PTPRG: variants seen among roughly 807,000 people sequenced by gnomAD.
PTPRG encodes the protein receptor-type tyrosine-protein phosphatase gamma.
In PTPRG, 102 loss-of-function variants were observed where a neutral mutation model predicts 165.3. That is an observed-to-expected ratio of 0.62 (90% CI 0.53 to 0.73). The LOEUF (loss-of-function observed/expected upper bound fraction) is 0.73, where lower values mean the gene tolerates loss of function less well. Among genes scored for constraint, PTPRG ranks in the 30% least tolerant of loss-of-function variants. The probability of loss-of-function intolerance (pLI) is 0.00; values close to 1 mark genes in which losing one functional copy is unlikely to be tolerated. For missense variants in PTPRG, 1,866 were observed against 1,861.4 expected, an observed-to-expected ratio of 1.00 and a Z score of -0.05; for synonymous variants, 675 against 669.5, an observed-to-expected ratio of 1.01 and a Z score of -0.13.
At chr3:61,670,337 G>C (rs1366536219) in intron 1 of PTPRG, among the ~76,000 whole-genome samples, 1 of 152,180 alleles carries the variant, frequency 6.6e-6, no homozygotes, top group Non-Finnish European at 1.5e-5. Context: ...ATCTAAGAAT[G>C]TCTGCCAGTA....
intron 2 of PTPRG, among the ~76,000 whole-genome samples, chr3:61,886,875 T>A (rs1279878870): frequency 1.3e-5 from 2 of 151,872 alleles, no homozygotes; most frequent in Non-Finnish European, 2.9e-5. Context: ...TCCTGGAATT[T>A]TTCTGCTGTT....
chr3:62,284,228 G>A (rs1702555104), intron 28 of PTPRG, among the ~76,000 whole-genome samples: 1 of 152,082 alleles, frequency 6.6e-6, no homozygotes, highest in Non-Finnish European at 1.5e-5. Flanking sequence ...GGTAAGGAAA[G>A]AGGAAAAGAA....
At position 61,799,581 on chromosome 3, in the gene PTPRG, C is replaced by T. The variant is rs116803923; in HGVS notation, c.190+50599C>T. ...TCAATTTGGATTTACCTAAAGTTTT[C>T]CTCATAATTACATGGGGCTTATAGG... On this transcript the variant is annotated intron_variant, in intron 2 of 29. Transcript: ENST00000474889. Among the ~76,000 whole-genome samples, 783 of 152,300 alleles carry T rather than the reference C, an allele frequency of 5.1e-3. 4 individuals are homozygous for T. Among genetic ancestry groups the T allele is most frequent in the Non-Finnish European group, 8.2e-3 (559 of 68,024 alleles).
At chr3:62,275,836 T>A (rs2148879616) in intron 23 of PTPRG, 37 bp from the exon 24 acceptor site, 1 of 1,473,160 alleles carries the variant, frequency 6.8e-7, no homozygotes, top group East Asian at 2.3e-5. Context: ...ATCAATTATA[T>A]CTTTGAATGA....
intron 2 of PTPRG, among the ~76,000 whole-genome samples, chr3:61,803,557 C>G (rs1348556576): frequency 6.7e-6 from 1 of 150,078 alleles, no homozygotes; most frequent in Non-Finnish European, 1.5e-5. Flanking sequence ...ACCCACAGTA[C>G]TATTTCAACT....
At chr3:62,118,728 T>C (rs933935253) in intron 5 of PTPRG, among the ~76,000 whole-genome samples, 4 of 152,200 alleles carry the variant, frequency 2.6e-5, no homozygotes, top group African/African-American at 4.8e-5. Context: ...GGAAAAATAA[T>C]GCCTGTGTCA....
At chr3:61,601,029 C>G (rs556103444) in intron 1 of PTPRG, among the ~76,000 whole-genome samples, 3 of 152,272 alleles carry the variant, frequency 2.0e-5, no homozygotes, top group Non-Finnish European at 4.4e-5. Flanking sequence ...TCGAGGCGGG[C>G]AGATCACTTG....
At chr3:61,836,017 G>C (rs575134970) in intron 2 of PTPRG, among the ~76,000 whole-genome samples, 1 of 151,070 alleles carries the variant, frequency 6.6e-6, no homozygotes, top group East Asian at 2.0e-4. Flanking sequence ...TCCAGCCTGG[G>C]CAACAAGAGT....
intron 2 of PTPRG, among the ~76,000 whole-genome samples, chr3:61,808,948 T>C (rs1008623498): frequency 6.7e-6 from 1 of 150,138 alleles, no homozygotes; most frequent in Non-Finnish European, 1.5e-5. Context: ...TTATTTCTAC[T>C]GAACCTGTTG....
intron 12 of PTPRG, among the ~76,000 whole-genome samples, chr3:62,206,217 G>A (rs953137859): frequency 6.6e-6 from 1 of 152,280 alleles, no homozygotes; most frequent in East Asian, 1.9e-4. Context: ...TTGGAGTCAG[G>A]TTCCAGATTC....
chr3:61,907,926 T>TTCCA (rs2038697765), intron 2 of PTPRG, among the ~76,000 whole-genome samples: 2 of 104,168 alleles, frequency 1.9e-5, no homozygotes, highest in Non-Finnish European at 3.5e-5. Context: ...AGGAGTTTGA[T>TTCCA]GCCAGCAACA....
chr3:61,993,078 G>A (rs1395083141), intron 3 of PTPRG, among the ~76,000 whole-genome samples: 2 of 151,856 alleles, frequency 1.3e-5, no homozygotes, highest in Non-Finnish European at 2.9e-5. Flanking sequence ...ACTGAACAGT[G>A]CATATTAGTG....
intron 1 of PTPRG, among the ~76,000 whole-genome samples, chr3:61,670,940 A>G (rs1229159023): frequency 6.6e-6 from 1 of 152,122 alleles, no homozygotes; most frequent in Non-Finnish European, 1.5e-5. Flanking sequence ...GACACTGCGA[A>G]GCCGGAGCGA....
chr3:62,020,168 A>G lies in PTPRG; in HGVS notation c.519+16671A>G, dbSNP rs77066348. ...AAACATAGTCAATATCAAAATGAAT[A>G]TGTTTACAGTCTGCTTTATCACTTT... On this transcript the variant is annotated intron_variant, in intron 4 of 29. Transcript: ENST00000474889. 9.2e-3 allele frequency among the ~76,000 whole-genome samples: 1,394 copies of G among 152,294 alleles called. 20 individuals carry two copies. Among genetic ancestry groups the G allele is most frequent in the African/African-American group, 0.032 (1,317 of 41,566 alleles).
intron 1 of PTPRG, among the ~76,000 whole-genome samples, chr3:61,738,337 T>TATATATATATAC (rs2032839397): frequency 1.4e-5 from 2 of 138,760 alleles, no homozygotes; most frequent in African/African-American, 2.7e-5. Context: ...TATATATATA[T>TATATATATATAC]GTATATATAT....
intron 1 of PTPRG, among the ~76,000 whole-genome samples, chr3:61,638,412 C>A (rs1482654721): frequency 1.3e-5 from 2 of 151,966 alleles, no homozygotes; most frequent in Non-Finnish European, 2.9e-5. Flanking sequence ...CCAAACCCAA[C>A]AAACATAAGG....
intron 1 of PTPRG, among the ~76,000 whole-genome samples, chr3:61,602,008 C>CAGGATGA (rs1399100453): frequency 2.6e-5 from 4 of 152,140 alleles, no homozygotes; most frequent in African/African-American, 9.7e-5. Context: ...TGACGTTGTC[C>CAGGATGA]AGGATGAAGT....
chr3:62,024,275 G>A (rs184034716), intron 4 of PTPRG, among the ~76,000 whole-genome samples: 1 of 151,968 alleles, frequency 6.6e-6, no homozygotes, highest in African/African-American at 2.4e-5. Context: ...ACCCAACCTG[G>A]TAATAGAAAG....
rs1559541931 is a variant in PTPRG at position 61,653,901 on chromosome 3, G to GC, written c.85+91529_85+91530insC. On this transcript the variant is annotated intron_variant, in intron 1 of 29. Transcript: ENST00000474889. ...GCAGGTTGTTAAGCGGGGAGCGGTG[G>GC]GGGGCGCGGGGAACTGTAAGGGAAC... Among the ~76,000 whole-genome samples, 35 of 107,782 alleles carry GC rather than the reference G, an allele frequency of 3.2e-4. 3 individuals are homozygous for GC. Among genetic ancestry groups the GC allele is most frequent in the Admixed American group, 2.7e-3 (29 of 10,596 alleles). The allele number at this position is 107,782 out of a possible 152,430, so 70.7% of individuals were successfully genotyped here. A position where few individuals can be genotyped will look rare whatever the true frequency, so the allele number is the denominator to read the frequency against.
Sources: allele counts gnomAD v4.1 joint callset (sites outside exome capture counted in the v4.1 genomes callset), GRCh38; gene constraint gnomAD v4.1.1; transcripts MANE v1.5; gene names NCBI Gene and HGNC (gene_info 2026-07-23, HGNC 2026-07-21).